The following NSMCE4A variants were observed in gnomAD, a reference collection of about 807,000 sequenced individuals.
NSMCE4A encodes the protein non-structural maintenance of chromosomes element 4 homolog A.
A neutral mutation model predicts 47.9 loss-of-function variants in NSMCE4A; 40 were observed. The ratio of observed to expected loss-of-function variants is 0.83; its 90% CI spans 0.65 to 1.09. The LOEUF is 1.09. Ranked by LOEUF, NSMCE4A falls within the 50% of genes least tolerant of loss-of-function variation. NSMCE4A has a pLI of 0.00. For synonymous variants in NSMCE4A, 166 were observed against 178.5 expected, an observed-to-expected ratio of 0.93 and a Z score of 0.56; for missense variants, 500 against 507.0, an observed-to-expected ratio of 0.99 and a Z score of 0.13.
rs757836960 is a variant in NSMCE4A, at chr10:121,967,730, A to G, written c.578T>C (p.Ile193Thr). The change falls in exon 4 of 11, where the codon ATA becomes ACA. Residue 193 changes from isoleucine to threonine, a missense_variant. Physicochemically the swap from Ile to Thr is moderately conservative, Grantham distance 89 (BLOSUM62 -1). Transcript: ENST00000369023. ...TGTTATCTTCCAGGAGTCATAGACT[A>G]TGAATTCAAAATCAGGACTATCTTC... ...RDEDSPDFEF[I>T]VYDSWKITGR... 5.6e-6 allele frequency: 9 copies of G among 1,614,160 alleles called. No individual in the cohort carries two copies. In the Admixed American group the frequency reaches 1.5e-4, roughly 27 times the overall value.
intron 5 of NSMCE4A, among the ~76,000 whole-genome samples, chr10:121,963,597 A>AT (rs34978817): frequency 0.28 from 42,296 of 148,410 alleles, 6,444 homozygotes; most frequent in Non-Finnish European, 0.36. Flanking sequence ...CACCTGGCTA[A>AT]TTTTTTTTTT....
intron 2 of NSMCE4A, 47 bp downstream of exon 2, chr10:121,973,957 T>C: frequency 7.5e-7 from 1 of 1,331,900 alleles, no homozygotes; most frequent in African/African-American, 1.5e-5. Context: ...GTAACACTAA[T>C]TAAAAGTATC....
At position 121,975,143 on chromosome 10, in the gene NSMCE4A, C is replaced by G; in HGVS notation, c.23G>C (p.Arg8Pro). The G allele has an allele frequency of 7.1e-7, 1 of 1,407,014 alleles. No individual in the cohort carries two copies. Among genetic ancestry groups the G allele is most frequent in the South Asian group, 1.5e-5 (1 of 64,780 alleles). 87.2% of individuals were successfully genotyped at this position (1,407,014 alleles called of 1,614,324 possible). The change falls in exon 1 of 11, where the codon CGC (arginine) becomes CCC (proline). Residue 8 changes from arginine (R) to proline (P), a missense_variant. Arg to Pro is a moderately radical substitution (Grantham distance 103). Transcript: ENST00000369023. MSGDSSGRGPEGRGRGRD... is the reference protein window; with the variant it reads MSGDSSGPGPEGRGRGRD... ...GCCCCGGCCCCGGCCCTCTGGCCCGCGGCCGCTGCTGTCCCCAGACATAGC... is the reference window on the plus strand; with the variant it reads ...GCCCCGGCCCCGGCCCTCTGGCCCGGGGCCGCTGCTGTCCCCAGACATAGC...
chr10:121,971,037 G>T lies in NSMCE4A; in HGVS notation c.403C>A (p.His135Asn). ...AAATCTGAAGCCAAAACAAGAAAGT[G>T]GGCATCCAGGACTGCTTCTCTTGCT... Reference protein sequence around the residue: ...SRAREAVLDAHFLVLASDLGK... With the variant: ...SRAREAVLDANFLVLASDLGK... Residue 135 changes from histidine to asparagine, a missense_variant, in exon 3 of 11, where the codon CAC (histidine) becomes AAC (asparagine). Transcript: ENST00000369023. 1 of 1,613,804 alleles carries T rather than the reference G, an allele frequency of 6.2e-7. No homozygotes were observed. The highest frequency in any genetic ancestry group is 2.2e-5 in the East Asian group (1 of 44,874).
chr10:121,961,580 C>A, intron 6 of NSMCE4A, 63 bp from the exon 7 acceptor site: 2 of 977,880 alleles, frequency 2.0e-6, no homozygotes, highest in Non-Finnish European at 3.0e-6. Flanking sequence ...TACACTCTAG[C>A]GTTAGCCAGA....
chr10:121,973,300 C>T (rs1166539381), intron 2 of NSMCE4A, among the ~76,000 whole-genome samples: 1 of 151,872 alleles, frequency 6.6e-6, no homozygotes, highest in East Asian at 1.9e-4. Flanking sequence ...ACAGACCCGT[C>T]AGAGAGGGCT....
chr10:121,974,285 G>A, intron 1 of NSMCE4A: 2 of 1,395,204 alleles, frequency 1.4e-6, no homozygotes, highest in Non-Finnish European at 1.9e-6. Flanking sequence ...ATTTTAAAAG[G>A]AAACCCTAGC....
In NSMCE4A at chr10:121,959,550, G is replaced by A; in HGVS notation, c.1034C>T (p.Thr345Ile). Residue 345 changes from threonine to isoleucine, a missense_variant, in exon 9 of 11, where the codon ACA (threonine) becomes ATA (isoleucine). Transcript: ENST00000369023. ...TATAATTCCTTGATTTCTAACTTGT[G>A]TGTTATGTTCAAATCCCTCATTTTC... ...NEENEGFEHN[T>I]QVRNQGIIAL... 6.2e-7 allele frequency: 1 copy of A among 1,614,126 alleles called. No individual in the cohort carries two copies. The highest frequency in any genetic ancestry group is 8.5e-7 in the Non-Finnish European group (1 of 1,179,990).
intron 3 of NSMCE4A, among the ~76,000 whole-genome samples, chr10:121,968,887 T>A (rs928518452): frequency 3.3e-5 from 5 of 152,166 alleles, no homozygotes; most frequent in African/African-American, 1.2e-4. Context: ...GCAGTTTTGG[T>A]CTGTTTAACT....
At chr10:121,968,556 G>A (rs1952648435) in intron 3 of NSMCE4A, among the ~76,000 whole-genome samples, 1 of 152,042 alleles carries the variant, frequency 6.6e-6, no homozygotes, top group Non-Finnish European at 1.5e-5. Context: ...TCTTAAAATT[G>A]CCTTCCTGGG....
chr10:121,974,828 G>C (rs1211688102), intron 1 of NSMCE4A, 46 bp downstream of exon 1: 23 of 1,339,468 alleles, frequency 1.7e-5, no homozygotes, highest in Non-Finnish European at 2.1e-5. Flanking sequence ...GCAGGGCGGG[G>C]ACAGCGGCCC....
intron 1 of NSMCE4A, chr10:121,974,605 C>T (rs1007436527): frequency 9.5e-7 from 1 of 1,052,580 alleles, no homozygotes; most frequent in Non-Finnish European, 1.1e-6. Context: ...GCTGGCTGGG[C>T]TCGGGCGAGT....
chr10:121,974,826 G>T lies in NSMCE4A; in HGVS notation c.292+48C>A, dbSNP rs551841451. 1.6e-5 allele frequency: 21 copies of T among 1,326,884 alleles called. No homozygotes were observed. The African/African-American group carries it at 2.9e-4, about 18-fold the overall frequency. 82.2% of individuals were successfully genotyped at this position (1,326,884 alleles called of 1,614,324 possible). ...CTCCCCCCGCGCCCGGCGCAGGGCGGGGACAGCGGCCCGTCCGGGCCCGCG... is the reference window on the plus strand; with the variant it reads ...CTCCCCCCGCGCCCGGCGCAGGGCGTGGACAGCGGCCCGTCCGGGCCCGCG... On this transcript the variant is annotated intron_variant, in intron 1 of 10. Transcript: ENST00000369023.
intron 4 of NSMCE4A, chr10:121,966,014 GCA>G (rs1024095122): frequency 6.6e-6 from 1 of 152,220 alleles, no homozygotes; most frequent in African/African-American, 2.4e-5. Context: ...GCTGCATTAT[GCA>G]CACAGATCCA....
Position 121,963,333 on chromosome 10 carries a change from A to G in NSMCE4A, c.754-5T>C. The G allele has an allele frequency of 6.4e-7, 1 of 1,574,416 alleles. No homozygotes were observed. ...AGATTCTTCCATTCTTCTTAACTGA[A>G]AAAAGTCATTATCAAGCTGACAGAC... On this transcript the variant is annotated splice_polypyrimidine_tract_variant and splice_region_variant and intron_variant, in intron 5 of 10. Transcript: ENST00000369023.
chr10:121,960,347 G>T lies in NSMCE4A; in HGVS notation c.988+11C>A. On this transcript the variant is annotated intron_variant, in intron 8 of 10. Coordinates refer to ENST00000369023, the MANE Select transcript of NSMCE4A (RefSeq NM_017615.3). The surrounding 1 kb of genome is among the most constrained non-coding windows in gnomAD (Gnocchi z 4.2). ...TCTAAAACTAATTTTTCCAAACATA[G>T]TATCATTTACCTATTACTGGCAGTC... The T allele has an allele frequency of 6.8e-7, 1 of 1,468,280 alleles. No individual in the cohort carries two copies. Among genetic ancestry groups the T allele is most frequent in the South Asian group, 1.5e-5 (1 of 67,968 alleles). 91.0% of individuals were successfully genotyped at this position (1,468,280 alleles called of 1,614,324 possible).
chr10:121,963,434 CTCT>C (rs1952539560), intron 5 of NSMCE4A, 106 bp from the exon 6 acceptor site: 2 of 628,360 alleles, frequency 3.2e-6, no homozygotes, highest in Admixed American at 3.0e-5. Flanking sequence ...CACACCCGAA[CTCT>C]TTTTTTTTTT....
intron 3 of NSMCE4A, among the ~76,000 whole-genome samples, chr10:121,968,202 C>G (rs1010339458): frequency 1.3e-5 from 2 of 152,086 alleles, no homozygotes; most frequent in Admixed American, 1.3e-4. Flanking sequence ...ATATAATGCA[C>G]AGTAACAGCC....
intron 4 of NSMCE4A, chr10:121,965,908 ATG>A (rs1434371232): frequency 6.6e-6 from 1 of 152,570 alleles, no homozygotes; most frequent in Non-Finnish European, 1.5e-5. Context: ...ACAGTAATAG[ATG>A]TAAGTCTGCA....
Sources: allele counts gnomAD v4.1 joint callset (sites outside exome capture counted in the v4.1 genomes callset), GRCh38; gene constraint gnomAD v4.1.1; non-coding constraint Gnocchi (gnomAD v3.1); transcripts MANE v1.5; gene names NCBI Gene and HGNC (gene_info 2026-07-23, HGNC 2026-07-21).